The following PPP1R12B variants were observed in gnomAD, a reference collection of about 807,000 sequenced individuals.
PPP1R12B encodes the protein protein phosphatase 1 regulatory subunit 12B.
PPP1R12B carries 76 observed loss-of-function variants against 126.1 expected under a neutral mutation model. The observed-to-expected ratio is 0.60, with a 90% CI of 0.50 to 0.73. PPP1R12B has a LOEUF of 0.73. PPP1R12B is among the 30% of genes least tolerant of loss of function. PPP1R12B has a pLI of 0.00. For synonymous variants in PPP1R12B, 356 were observed against 434.7 expected, an observed-to-expected ratio of 0.82 and a Z score of 2.25; for missense variants, 1,052 against 1,205.1, an observed-to-expected ratio of 0.87 and a Z score of 1.88.
chr1:202,382,825 A>G (rs985211370), intron 1 of PPP1R12B, among the ~76,000 whole-genome samples: 7 of 151,902 alleles, frequency 4.6e-5, no homozygotes, highest in African/African-American at 1.7e-4. Flanking sequence ...ACAGTGAGCC[A>G]AGACTGTGGC....
intron 18 of PPP1R12B, among the ~76,000 whole-genome samples, chr1:202,552,339 A>G (rs1433501545): frequency 6.6e-6 from 1 of 152,268 alleles, no homozygotes; most frequent in Non-Finnish European, 1.5e-5. Context: ...AAGTTTCCTA[A>G]GAATCTTCTC....
chr1:202,575,177 C>T, intron 23 of PPP1R12B: 4 of 1,589,466 alleles, frequency 2.5e-6, no homozygotes, highest in South Asian at 1.1e-5. Flanking sequence ...TCCTCCACTA[C>T]TCCAGGCAGG....
intron 13 of PPP1R12B, among the ~76,000 whole-genome samples, chr1:202,469,406 AC>A (rs1382738572): frequency 3.3e-5 from 5 of 152,278 alleles, no homozygotes; most frequent in African/African-American, 1.2e-4. Flanking sequence ...TAGGCTTAGT[AC>A]CTGGGTGATG....
At chr1:202,507,025 T>C (rs1161732833) in intron 18 of PPP1R12B, among the ~76,000 whole-genome samples, 2 of 152,336 alleles carry the variant, frequency 1.3e-5, no homozygotes, top group African/African-American at 4.8e-5. Flanking sequence ...TTGACAGTCA[T>C]AGATGAAAAC....
chr1:202,372,511 A>T (rs1387205548), intron 1 of PPP1R12B, among the ~76,000 whole-genome samples: 1 of 151,864 alleles, frequency 6.6e-6, no homozygotes, highest in Non-Finnish European at 1.5e-5. Context: ...CAAAAAAAAA[A>T]AATAAATAAA....
At chr1:202,512,955 C>A (rs916486874) in intron 18 of PPP1R12B, among the ~76,000 whole-genome samples, 7 of 152,070 alleles carry the variant, frequency 4.6e-5, no homozygotes, top group African/African-American at 1.7e-4. Flanking sequence ...GTTGTATTTG[C>A]CAACTGACTG....
intron 18 of PPP1R12B, chr1:202,501,925 G>A (rs957215112): frequency 1.2e-5 from 12 of 985,018 alleles, no homozygotes; most frequent in Non-Finnish European, 1.4e-5. Context: ...ACGTCTTCTT[G>A]AAGGACAACT....
At chr1:202,397,272 C>CT (rs1208716859) in intron 1 of PPP1R12B, among the ~76,000 whole-genome samples, 41 of 152,342 alleles carry the variant, frequency 2.7e-4, no homozygotes, top group African/African-American at 9.4e-4. Flanking sequence ...CTTCAGCTTA[C>CT]TTGACTGTTA....
chr1:202,374,699 C>T (rs1212087678), intron 1 of PPP1R12B, among the ~76,000 whole-genome samples: 2 of 151,616 alleles, frequency 1.3e-5, no homozygotes, highest in Admixed American at 1.3e-4. Flanking sequence ...CAGGGTTTCA[C>T]CATGTTGCCC....
chr1:202,432,088 G>A (rs1393252549), intron 8 of PPP1R12B, among the ~76,000 whole-genome samples: 1 of 152,224 alleles, frequency 6.6e-6, no homozygotes. Flanking sequence ...ATGAGATCTT[G>A]CAGAAGCTCT....
intron 1 of PPP1R12B, among the ~76,000 whole-genome samples, chr1:202,352,739 T>C (rs1571514748): frequency 6.6e-6 from 1 of 151,932 alleles, no homozygotes; most frequent in African/African-American, 2.4e-5. Context: ...ATACAAAAAT[T>C]AGCCTGGTGT....
chr1:202,564,643 T>C (rs938467820), intron 21 of PPP1R12B, 96 bp downstream of exon 21: 15 of 969,922 alleles, frequency 1.5e-5, no homozygotes, highest in Middle Eastern at 2.2e-4. Context: ...TAAGATAGAG[T>C]CAAGATCAGG....
chr1:202,434,579 A>G (rs1257690702), intron 8 of PPP1R12B, 77 bp from the exon 9 acceptor site: 1 of 1,519,244 alleles, frequency 6.6e-7, no homozygotes. Context: ...AATCTTTTCT[A>G]TTAGCAGAAA....
chr1:202,562,915 A>T lies in PPP1R12B; in HGVS notation c.2645A>T (p.Tyr882Phe). Residue 882 changes from tyrosine (Y) to phenylalanine (F), a missense_variant, in exon 20 of 24, where the codon TAT (tyrosine) becomes TTT (phenylalanine). Transcript: ENST00000608999. ...GTAGAAGAAGACAGCAACAGAGATT[A>T]TAAAAAAGTAGGGTCTTTATTCAAT... The part of the protein sequence containing the change: ...SRVEEDSNRD[Y>F]KKLYESALTE... 6.4e-7 allele frequency: 1 copy of T among 1,570,446 alleles called. No homozygotes were observed. The highest frequency in any genetic ancestry group is 8.6e-7 in the Non-Finnish European group (1 of 1,163,176).
intron 1 of PPP1R12B, among the ~76,000 whole-genome samples, chr1:202,371,890 G>A (rs1288695471): frequency 2.6e-5 from 3 of 117,170 alleles, no homozygotes; most frequent in Admixed American, 1.1e-4. Context: ...TGGAGACGGA[G>A]TATCGCTCTG....
intron 12 of PPP1R12B, among the ~76,000 whole-genome samples, chr1:202,446,501 C>A (rs919460164): frequency 6.1e-5 from 9 of 148,540 alleles, no homozygotes; most frequent in Non-Finnish European, 1.0e-4. Flanking sequence ...CCTCATGATC[C>A]GCCCACTTCG....
At chr1:202,382,793 T>G (rs1336469291) in intron 1 of PPP1R12B, among the ~76,000 whole-genome samples, 3 of 151,886 alleles carry the variant, frequency 2.0e-5, no homozygotes, top group African/African-American at 7.3e-5. Flanking sequence ...GGAGAATATC[T>G]TGAACCCTGG....
At chr1:202,492,771 C>T (rs982140601) in intron 14 of PPP1R12B, among the ~76,000 whole-genome samples, 2 of 152,026 alleles carry the variant, frequency 1.3e-5, no homozygotes, top group African/African-American at 4.8e-5. Context: ...ACCATTTGAT[C>T]TTGGGAGGGT....
chr1:202,579,083 A>G (rs1405114448), intron 23 of PPP1R12B, among the ~76,000 whole-genome samples: 1 of 152,222 alleles, frequency 6.6e-6, no homozygotes, highest in Non-Finnish European at 1.5e-5. Context: ...GAGACCCTCT[A>G]GCACAGTGCC....
Sources: allele counts gnomAD v4.1 joint callset (sites outside exome capture counted in the v4.1 genomes callset), GRCh38; gene constraint gnomAD v4.1.1; transcripts MANE v1.5; gene names NCBI Gene and HGNC (gene_info 2026-07-23, HGNC 2026-07-21).